Variants in CEP85L observed in about 807,000 individuals in gnomAD.
CEP85L encodes the protein centrosomal protein 85L, also known as centrosomal protein of 85 kDa-like.
A neutral mutation model predicts 100.3 loss-of-function variants in CEP85L; 60 were observed. The ratio of observed to expected loss-of-function variants is 0.60; its 90% confidence interval spans 0.49 to 0.74. CEP85L has a LOEUF of 0.74. Ranked by LOEUF, CEP85L falls within the 30% of genes least tolerant of loss-of-function variation. The probability of loss-of-function intolerance (pLI) is 0.00; values close to 1 mark genes in which losing one functional copy is unlikely to be tolerated. For missense variants in CEP85L, 973 were observed against 936.2 expected (o/e 1.04, Z -0.51); for synonymous variants, 319 against 322.7 (o/e 0.99, Z 0.12).
chr6:118,591,361 T>TGGCA (rs998412015), intron 2 of CEP85L, among the ~76,000 whole-genome samples: 1 of 152,170 alleles, frequency 6.6e-6, no homozygotes, highest in African/African-American at 2.4e-5. Context: ...CTTTTCTGTG[T>TGGCA]GGCAGATGAA....
At chr6:118,600,366 T>A (rs189324686) in intron 2 of CEP85L, among the ~76,000 whole-genome samples, 1 of 121,842 alleles carries the variant, frequency 8.2e-6, no homozygotes, top group East Asian at 2.2e-4. Flanking sequence ...TGTGTGTGTG[T>A]GTGTAACGCC....
intron 1 of CEP85L, among the ~76,000 whole-genome samples, chr6:118,640,435 C>G (rs1221525898): frequency 1.3e-5 from 2 of 152,120 alleles, no homozygotes; most frequent in African/African-American, 4.8e-5. Flanking sequence ...CTCTGTGCCT[C>G]AATTTCTTCA....
At chr6:118,576,053 G>C (rs1780210550) in intron 2 of CEP85L, among the ~76,000 whole-genome samples, 2 of 152,070 alleles carry the variant, frequency 1.3e-5, no homozygotes, top group East Asian at 3.9e-4. Flanking sequence ...AAATAAAATG[G>C]GAATATTATA....
intron 1 of CEP85L, among the ~76,000 whole-genome samples, chr6:118,705,241 C>G (rs189185476): frequency 1.7e-4 from 26 of 152,318 alleles, no homozygotes; most frequent in African/African-American, 5.8e-4. Context: ...TCTCTTCATG[C>G]AGCAGAGATG....
intron 2 of CEP85L, among the ~76,000 whole-genome samples, chr6:118,569,450 T>TA (rs888040520): frequency 1.3e-4 from 19 of 149,592 alleles, no homozygotes; most frequent in African/African-American, 4.6e-4. Flanking sequence ...CCCTAGAACT[T>TA]AAAGTATAAT....
At chr6:118,470,666 GA>G in intron 10 of CEP85L, 22 bp from the exon 11 acceptor site, 1 of 1,432,334 alleles carries the variant, frequency 7.0e-7, no homozygotes, top group Non-Finnish European at 9.7e-7. Context: ...AAAAAAATTG[GA>G]AAGCAAAACA....
At chr6:118,480,564 T>G (rs755786644) in intron 8 of CEP85L, 51 bp from the exon 9 acceptor site, 1 of 1,156,358 alleles carries the variant, frequency 8.6e-7, no homozygotes, top group Non-Finnish European at 1.3e-6. Context: ...TTGCTGATTT[T>G]GGTAATGATT....
At chr6:118,628,234 G>A (rs1773928351) in intron 2 of CEP85L, among the ~76,000 whole-genome samples, 1 of 152,124 alleles carries the variant, frequency 6.6e-6, no homozygotes, top group East Asian at 1.9e-4. Context: ...AAACACGGCA[G>A]GGATATTGGA....
intron 4 of CEP85L, among the ~76,000 whole-genome samples, chr6:118,514,340 C>T (rs936339132): frequency 2.6e-5 from 4 of 151,838 alleles, no homozygotes; most frequent in Non-Finnish European, 5.9e-5. Flanking sequence ...GCCTGGCCAG[C>T]ATGGTGAAAC....
chr6:118,670,904 T>C (rs973288458), intron 1 of CEP85L, among the ~76,000 whole-genome samples: 19 of 152,162 alleles, frequency 1.2e-4, no homozygotes, highest in Middle Eastern at 6.8e-3. Context: ...AGGACGACTT[T>C]TGGTGCTGAG....
At chr6:118,501,816 G>C in intron 5 of CEP85L, 2 of 1,211,162 alleles carry the variant, frequency 1.7e-6, no homozygotes, top group South Asian at 1.2e-5. Flanking sequence ...GGCTGAGAGA[G>C]AGAGAGAGAG....
chr6:118,600,370 T>TGGGG (rs58066356), intron 2 of CEP85L, among the ~76,000 whole-genome samples: 2 of 86,368 alleles, frequency 2.3e-5, no homozygotes, highest in African/African-American at 4.2e-5. Context: ...TGTGTGTGTG[T>TGGGG]AACGCCATGG....
intron 1 of CEP85L, among the ~76,000 whole-genome samples, chr6:118,668,306 A>G (rs1453033693): frequency 1.3e-5 from 2 of 152,214 alleles, no homozygotes; most frequent in Non-Finnish European, 1.5e-5. Flanking sequence ...ACACCTGCAG[A>G]GTTTTAAAAT....
intron 4 of CEP85L, among the ~76,000 whole-genome samples, chr6:118,517,778 AGAG>A (rs1776368768): frequency 6.6e-6 from 1 of 152,170 alleles, no homozygotes; most frequent in South Asian, 2.1e-4. Context: ...GCTATGTTGA[AGAG>A]GAGTGTGAGA....
At chr6:118,538,751 T>G (rs1479133404) in intron 3 of CEP85L, among the ~76,000 whole-genome samples, 1 of 152,080 alleles carries the variant, frequency 6.6e-6, no homozygotes, top group Non-Finnish European at 1.5e-5. Flanking sequence ...GCTTAAGTAT[T>G]CAAATTAAGG....
intron 10 of CEP85L, among the ~76,000 whole-genome samples, chr6:118,478,038 C>A (rs939684245): frequency 5.9e-5 from 9 of 152,002 alleles, no homozygotes; most frequent in African/African-American, 2.2e-4. Context: ...AATCAGGCAG[C>A]TTTAAGGAAG....
At chr6:118,610,863 A>C (rs1772559520) in intron 2 of CEP85L, among the ~76,000 whole-genome samples, 1 of 152,246 alleles carries the variant, frequency 6.6e-6, no homozygotes, top group African/African-American at 2.4e-5. Flanking sequence ...AGAAAGAAGA[A>C]GAAAAATATT....
chr6:118,659,309 A>T (rs1172846971), intron 1 of CEP85L, among the ~76,000 whole-genome samples: 2 of 152,172 alleles, frequency 1.3e-5, no homozygotes, highest in Non-Finnish European at 1.5e-5. Flanking sequence ...TTATGAAAAG[A>T]TATATATATG....
chr6:118,631,716 G>C (rs975054185), intron 2 of CEP85L, among the ~76,000 whole-genome samples: 5 of 152,156 alleles, frequency 3.3e-5, no homozygotes, highest in African/African-American at 1.2e-4. Context: ...TCAAATTCCA[G>C]TTATGATTCC....
Sources: gnomAD v4.1 joint callset for allele counts (sites outside exome capture counted in the v4.1 genomes callset) on GRCh38, gnomAD v4.1.1 for gene constraint, MANE v1.5 for transcripts, NCBI Gene and HGNC (gene_info 2026-07-23, HGNC 2026-07-21) for gene names.